NLGN1: variants seen among roughly 807,000 people sequenced by gnomAD.
NLGN1 encodes neuroligin-1.
Under a neutral mutation model 65.5 loss-of-function variants are expected in NLGN1, and 12 were observed. The observed-to-expected ratio is 0.18, with a 90% confidence interval of 0.12 to 0.30. The LOEUF (loss-of-function observed/expected upper bound fraction) is 0.30. NLGN1 is among the 10% of genes least tolerant of loss of function. The pLI is 1.00. For synonymous variants in NLGN1, 350 were observed against 359.5 expected (o/e 0.97, Z 0.30); for missense variants, 750 against 1,007.1 (o/e 0.74, Z 3.46).
intron 4 of NLGN1, among the ~76,000 whole-genome samples, chr3:174,003,726 C>T (rs1333537285): frequency 1.3e-5 from 2 of 152,114 alleles, no homozygotes; most frequent in Non-Finnish European, 2.9e-5. Context: ...AGGAAAGGAC[C>T]TTTATCTATT....
chr3:173,415,071 A>C (rs1284840215), intron 1 of NLGN1, among the ~76,000 whole-genome samples: 2 of 152,256 alleles, frequency 1.3e-5, no homozygotes, highest in African/African-American at 4.8e-5. Flanking sequence ...TTCTTCATCA[A>C]GCAAAGTCAG....
chr3:173,755,917 G>T (rs1332587148), intron 3 of NLGN1, among the ~76,000 whole-genome samples: 1 of 152,040 alleles, frequency 6.6e-6, no homozygotes, highest in Non-Finnish European at 1.5e-5. Context: ...TATAACTAAT[G>T]ATGTTATATA....
At chr3:173,569,861 C>T (rs1473919487) in intron 2 of NLGN1, among the ~76,000 whole-genome samples, 4 of 122,456 alleles carry the variant, frequency 3.3e-5, no homozygotes, top group African/African-American at 5.9e-5. Flanking sequence ...TCTACACTAC[C>T]ACACATTCAT....
intron 2 of NLGN1, among the ~76,000 whole-genome samples, chr3:173,548,676 C>T (rs1446281605): frequency 6.6e-6 from 1 of 151,702 alleles, no homozygotes; most frequent in Non-Finnish European, 1.5e-5. Context: ...TTGACCAAGG[C>T]CTGTAGAAAG....
chr3:173,966,564 G>A (rs976818385), intron 4 of NLGN1, among the ~76,000 whole-genome samples: 5 of 152,094 alleles, frequency 3.3e-5, no homozygotes, highest in Admixed American at 1.3e-4. Flanking sequence ...CAGATGCCCC[G>A]GCTAGTCACT....
chr3:174,180,259 C>T (rs1730146953), intron 4 of NLGN1, among the ~76,000 whole-genome samples: 1 of 152,128 alleles, frequency 6.6e-6, no homozygotes, highest in Non-Finnish European at 1.5e-5. Flanking sequence ...GGTTCCCTCA[C>T]AAAAACAAAT....
At position 173,775,976 on chromosome 3, in the gene NLGN1, G is replaced by A. The variant is rs370873228; in HGVS notation, c.494-31704G>A. 8.3e-4 allele frequency among the ~76,000 whole-genome samples: 127 copies of A among 152,124 alleles called. 2 individuals are homozygous for A. The South Asian group carries it at 0.026, about 31-fold the overall frequency. On this transcript the variant is annotated intron_variant, in intron 3 of 6. Coordinates refer to ENST00000457714, the Ensembl canonical transcript of NLGN1. ...TTTGTCTATTCCAGATTTTCTACTG[G>A]AGTTCTTTACTGTATATTATACACA...
chr3:173,852,848 G>A (rs1167336094), intron 4 of NLGN1, among the ~76,000 whole-genome samples: 2 of 152,126 alleles, frequency 1.3e-5, no homozygotes, highest in African/African-American at 4.8e-5. Context: ...TCTGCTAAGG[G>A]ATGTTCATAA....
intron 2 of NLGN1, among the ~76,000 whole-genome samples, chr3:173,588,227 T>A (rs114973301): frequency 0.024 from 3,585 of 152,310 alleles, 56 homozygotes; most frequent in Middle Eastern, 0.048. Flanking sequence ...ATTTAAAACA[T>A]CATGAGGTAG....
chr3:174,064,002 C>T (rs1224133014), intron 4 of NLGN1, among the ~76,000 whole-genome samples: 2 of 151,956 alleles, frequency 1.3e-5, no homozygotes, highest in Non-Finnish European at 2.9e-5. Context: ...ATTAGCCAGG[C>T]ATGGTGACAG....
intron 3 of NLGN1, among the ~76,000 whole-genome samples, chr3:173,769,190 C>T (rs550952153): frequency 6.6e-6 from 1 of 152,286 alleles, no homozygotes; most frequent in East Asian, 1.9e-4. Context: ...CCCTTACACT[C>T]ATCTTTTCCA....
intron 2 of NLGN1, among the ~76,000 whole-genome samples, chr3:173,597,506 CTCTCTG>C (rs1444232817): frequency 6.6e-6 from 1 of 152,094 alleles, no homozygotes; most frequent in Non-Finnish European, 1.5e-5. Flanking sequence ...AATTAAGATT[CTCTCTG>C]GTTTCTTTTA....
chr3:173,484,224 G>C (rs574420192), intron 2 of NLGN1, among the ~76,000 whole-genome samples: 1 of 152,154 alleles, frequency 6.6e-6, no homozygotes, highest in Admixed American at 6.5e-5. Context: ...ATGATGCTGG[G>C]ATATTTTACC....
chr3:173,456,323 A>T (rs1302790069), intron 2 of NLGN1, among the ~76,000 whole-genome samples: 1 of 152,142 alleles, frequency 6.6e-6, no homozygotes, highest in African/African-American at 2.4e-5. Context: ...CTAGTGTGGC[A>T]AGGAAAGATA....
chr3:174,127,062 T>A (rs556148567), intron 4 of NLGN1, among the ~76,000 whole-genome samples: 1 of 152,138 alleles, frequency 6.6e-6, no homozygotes, highest in East Asian at 1.9e-4. Context: ...AATATGATTT[T>A]ATAGGTTATG....
chr3:174,105,982 G>A (rs1713692982), intron 4 of NLGN1, among the ~76,000 whole-genome samples: 2 of 152,206 alleles, frequency 1.3e-5, no homozygotes, highest in African/African-American at 2.4e-5. Context: ...AAATAATTCA[G>A]TAATTACCAT....
intron 3 of NLGN1, among the ~76,000 whole-genome samples, chr3:173,627,977 C>T (rs181325089): frequency 2.0e-4 from 30 of 152,000 alleles, no homozygotes; most frequent in Admixed American, 1.9e-3. Context: ...GTCCACTGAA[C>T]TTCTCTCCTT....
At chr3:173,564,548 G>T (rs534701639) in intron 2 of NLGN1, among the ~76,000 whole-genome samples, 25 of 152,228 alleles carry the variant, frequency 1.6e-4, no homozygotes, top group South Asian at 1.5e-3. Flanking sequence ...GTGATCTTCT[G>T]ACTGAGCATG....
rs73880517 is a variant in NLGN1 at position 173,609,301 on chromosome 3, C to T, written c.493+4210C>T. ...ACATTAACTTGCTTTTCTATTTACC[C>T]CAATTTGTATTGTGCAGAAGATTAA... On this transcript the variant is annotated intron_variant, in intron 3 of 6. Transcript: ENST00000457714. Among the ~76,000 whole-genome samples the T allele has an allele frequency of 2.1e-3, 324 of 152,034 alleles. 1 individual carries two copies. The highest frequency in any genetic ancestry group is 7.5e-3 in the African/African-American group (310 of 41,518).
Sources: gnomAD v4.1 joint callset for allele counts (sites outside exome capture counted in the v4.1 genomes callset) on GRCh38, gnomAD v4.1.1 for gene constraint, MANE v1.5 for transcripts, NCBI Gene and HGNC (gene_info 2026-07-23, HGNC 2026-07-21) for gene names.